Variants in HECW1 observed in about 807,000 individuals in gnomAD.
HECW1 encodes the protein HECT, C2 and WW domain containing E3 ubiquitin protein ligase 1.
In HECW1, 61 loss-of-function variants were observed where a neutral mutation model predicts 182.3. The ratio of observed to expected loss-of-function variants is 0.33; its 90% CI spans 0.27 to 0.41. The LOEUF (loss-of-function observed/expected upper bound fraction) is 0.41, where lower values mean the gene tolerates loss of function less well. Among genes scored for constraint, HECW1 ranks in the 10% least tolerant of loss-of-function variants. The pLI, the probability that HECW1 is intolerant of heterozygous loss-of-function variation, is 1.00. For synonymous variants in HECW1, 859 were observed against 832.6 expected, an observed-to-expected ratio of 1.03 and a Z score of -0.55; for missense variants, 1,739 against 2,108.9, an observed-to-expected ratio of 0.82 and a Z score of 3.44.
chr7:43,556,622 A>C (rs558544774), intron 29 of HECW1, among the ~76,000 whole-genome samples: 1 of 151,952 alleles, frequency 6.6e-6, no homozygotes, highest in Non-Finnish European at 1.5e-5. Context: ...CAGGAGGCTG[A>C]GGCTGCAGTG....
Position 43,564,621 on chromosome 7 carries a change from A to G in HECW1, c.*2695A>G, listed in dbSNP as rs1419493594. ...TGATGTCACGGTCACCTGAAAGAAG[A>G]TGAAGCTTGTAATATTTTATTGCAA... On this transcript the variant is annotated 3_prime_UTR_variant, in exon 30 of 30. Transcript: ENST00000395891. The G allele has an allele frequency of 5.5e-6, 1 of 182,748 alleles. No homozygotes were observed. Among genetic ancestry groups the G allele is most frequent in the Admixed American group, 6.3e-5 (1 of 15,982 alleles). 11.3% of individuals were successfully genotyped at this position (182,748 alleles called of 1,614,324 possible).
rs1272214106 is a variant in HECW1, at chr7:43,114,271, G to T, written c.-152G>T. The T allele has an allele frequency of 1.5e-6, 2 of 1,363,938 alleles. No homozygotes were observed. Among genetic ancestry groups the T allele is most frequent in the African/African-American group, 2.9e-5 (2 of 69,338 alleles). 84.5% of individuals were successfully genotyped at this position (1,363,938 alleles called of 1,614,324 possible). On this transcript the variant is annotated 5_prime_UTR_variant, in exon 2 of 30. It removes an upstream start codon present in the reference 5' UTR. Coordinates refer to ENST00000395891, the MANE Select transcript of HECW1 (RefSeq NM_015052.5). ...TTAAACGCGATTTAGGAGGGCAGAT[G>T]CCCTACCCGAAAAGGCCAACCGTTA... is the stretch of plus-strand genomic sequence containing the variant.
intron 2 of HECW1, among the ~76,000 whole-genome samples, chr7:43,182,152 T>C (rs1382862094): frequency 1.3e-5 from 2 of 152,190 alleles, no homozygotes; most frequent in Non-Finnish European, 2.9e-5. Flanking sequence ...GTGTTTTCAT[T>C]TGATATATTT....
At chr7:43,272,990 T>C (rs1802600241) in intron 3 of HECW1, among the ~76,000 whole-genome samples, 1 of 152,080 alleles carries the variant, frequency 6.6e-6, no homozygotes, top group Admixed American at 6.5e-5. Flanking sequence ...TAGGCAGCCA[T>C]AAAAAAGAAT....
At chr7:43,540,696 T>C (rs1008799945) in intron 24 of HECW1, among the ~76,000 whole-genome samples, 2 of 152,238 alleles carry the variant, frequency 1.3e-5, no homozygotes, top group African/African-American at 4.8e-5. Context: ...AACTGCCATA[T>C]GGGCTCCATA....
At chr7:43,376,866 C>CA (rs34753661) in intron 6 of HECW1, among the ~76,000 whole-genome samples, 25,341 of 140,046 alleles carry the variant, frequency 0.18, 2,678 homozygotes, top group Non-Finnish European at 0.25. Context: ...GACTCTGTCT[C>CA]AAAAAAAAAA....
At chr7:43,263,998 G>A (rs571277145) in intron 3 of HECW1, among the ~76,000 whole-genome samples, 116 of 152,130 alleles carry the variant, frequency 7.6e-4, no homozygotes, top group Non-Finnish European at 9.6e-4. Flanking sequence ...ATATATTTGC[G>A]GGATGAAATG....
At chr7:43,240,228 C>T (rs565101146) in intron 2 of HECW1, among the ~76,000 whole-genome samples, 2 of 152,058 alleles carry the variant, frequency 1.3e-5, no homozygotes, top group Admixed American at 1.3e-4. Context: ...GTCCTAGCTA[C>T]TCGGGAGGCT....
chr7:43,291,054 A>T (rs954130229), intron 3 of HECW1, among the ~76,000 whole-genome samples: 1 of 152,204 alleles, frequency 6.6e-6, no homozygotes, highest in African/African-American at 2.4e-5. Context: ...GCAGGGGGGA[A>T]AAATAGTTTT....
At chr7:43,186,732 A>G (rs1793446555) in intron 2 of HECW1, among the ~76,000 whole-genome samples, 1 of 152,068 alleles carries the variant, frequency 6.6e-6, no homozygotes, top group South Asian at 2.1e-4. Context: ...GTACATTTAG[A>G]TATGCTTAGA....
chr7:43,192,405 T>A (rs1465954128), intron 2 of HECW1, among the ~76,000 whole-genome samples: 1 of 152,210 alleles, frequency 6.6e-6, no homozygotes, highest in Non-Finnish European at 1.5e-5. Context: ...TTACCCTAAT[T>A]TGATTATATG....
chr7:43,403,409 T>C (rs1016431312), intron 7 of HECW1, among the ~76,000 whole-genome samples: 2 of 152,202 alleles, frequency 1.3e-5, no homozygotes, highest in African/African-American at 2.4e-5. Context: ...GTACAGTTTA[T>C]TATGCAGATT....
At chr7:43,544,931 A>G (rs1249348919) in intron 26 of HECW1, among the ~76,000 whole-genome samples, 1 of 152,252 alleles carries the variant, frequency 6.6e-6, no homozygotes, top group Non-Finnish European at 1.5e-5. Flanking sequence ...AGGATAGTGA[A>G]GAACAGTGTG....
intron 3 of HECW1, among the ~76,000 whole-genome samples, chr7:43,281,135 G>A (rs1055075315): frequency 1.3e-5 from 2 of 151,964 alleles, no homozygotes; most frequent in South Asian, 2.1e-4. Flanking sequence ...CCTCACCTCC[G>A]CCCACCCAAG....
intron 2 of HECW1, among the ~76,000 whole-genome samples, chr7:43,158,906 G>A (rs997496952): frequency 6.6e-6 from 1 of 152,198 alleles, no homozygotes; most frequent in Non-Finnish European, 1.5e-5. Context: ...ACTATACTGT[G>A]CATCAGAATC....
rs976559683 is a variant in HECW1, at chr7:43,357,601, T to C, written c.461-3285T>C. Reference sequence around the variant, plus strand: ...AAGAAGATGAATAGAGATTGATTAATGGGTACAAATATACAGTTTGATAGA... The same window carrying C: ...AAGAAGATGAATAGAGATTGATTAACGGGTACAAATATACAGTTTGATAGA... On this transcript the variant is annotated intron_variant, in intron 5 of 29. Coordinates refer to ENST00000395891, the MANE Select transcript of HECW1 (RefSeq NM_015052.5). Among the ~76,000 whole-genome samples, 12 of 152,158 alleles carry C rather than the reference T, an allele frequency of 7.9e-5. 1 individual carries two copies. The highest frequency in any genetic ancestry group is 2.9e-4 in the African/African-American group (12 of 41,440).
chr7:43,175,944 C>G (rs1051939439), intron 2 of HECW1, among the ~76,000 whole-genome samples: 1 of 152,174 alleles, frequency 6.6e-6, no homozygotes, highest in African/African-American at 2.4e-5. Context: ...AGCACATTTC[C>G]TCTTAATGCT....
At chr7:43,465,169 G>A (rs939343880) in intron 14 of HECW1, among the ~76,000 whole-genome samples, 2 of 152,160 alleles carry the variant, frequency 1.3e-5, no homozygotes, top group African/African-American at 4.8e-5. Flanking sequence ...CTAGAAACAT[G>A]AGGAAAAAGC....
chr7:43,447,452 C>A (rs2077093564), intron 11 of HECW1, among the ~76,000 whole-genome samples: 1 of 152,178 alleles, frequency 6.6e-6, no homozygotes, highest in African/African-American at 2.4e-5. Flanking sequence ...AAAGAAATAT[C>A]TAAGTTCCTG....
Sources: allele counts gnomAD v4.1 joint callset (sites outside exome capture counted in the v4.1 genomes callset), GRCh38; gene constraint gnomAD v4.1.1; transcripts MANE v1.5; gene names NCBI Gene and HGNC (gene_info 2026-07-23, HGNC 2026-07-21).